The following CSE1L variants were observed in gnomAD, a reference collection of about 807,000 sequenced individuals.
CSE1L encodes chromosome segregation 1 like.
CSE1L carries 24 observed loss-of-function variants against 120.4 expected under a neutral mutation model. That is an observed-to-expected ratio of 0.20 (90% CI 0.14 to 0.28). CSE1L has a LOEUF of 0.28. Among genes scored for constraint, CSE1L ranks in the 10% least tolerant of loss-of-function variants. CSE1L has a pLI of 1.00. For missense variants in CSE1L, 830 were observed against 1,145.2 expected (o/e 0.72, Z 3.97); for synonymous variants, 402 against 398.3 (o/e 1.01, Z -0.11).
chr20:49,050,205 A>T (rs893172185), intron 1 of CSE1L, among the ~76,000 whole-genome samples: 3 of 148,242 alleles, frequency 2.0e-5, no homozygotes, highest in Admixed American at 6.8e-5. Flanking sequence ...ATTTATTTTT[A>T]TTTTATTTTA....
intron 21 of CSE1L, among the ~76,000 whole-genome samples, 184 bp downstream of exon 21, chr20:49,091,206 T>G (rs967966806): frequency 6.6e-6 from 1 of 152,148 alleles, no homozygotes; most frequent in East Asian, 1.9e-4. Flanking sequence ...GCCGATCGCT[T>G]GAGCTCAGGA....
At chr20:49,074,705 A>C in intron 10 of CSE1L, 80 bp from the exon 11 acceptor site, 1 of 1,175,052 alleles carries the variant, frequency 8.5e-7, no homozygotes, top group Non-Finnish European at 1.2e-6. Context: ...AGGCAGTTTT[A>C]CATACTCTTC....
chr20:49,068,967 G>A (rs8120303), intron 7 of CSE1L, 145 bp downstream of exon 7: 3 of 609,514 alleles, frequency 4.9e-6, no homozygotes, highest in Non-Finnish European at 8.6e-6. Context: ...ATAGTGTTCT[G>A]TTCTACAGTA....
rs770570762 is a variant in CSE1L at position 49,070,265 on chromosome 20, T to C, written c.736T>C (p.Leu246=). The stretch of plus-strand genomic sequence containing the variant: ...TTGGATGAATAATTTTCATACTCTC[T>C]TAACATTGGATAATAAGCTTTTACA... The part of the protein sequence containing the change: ...ETWMNNFHTL[L]TLDNKLLQTD... The change falls in exon 8 of 25, where the codon TTA becomes CTA. Residue 246 remains leucine (L), a synonymous_variant. Transcript: ENST00000262982. The C allele has an allele frequency of 6.9e-6, 10 of 1,458,972 alleles. No individual in the cohort carries two copies. Among genetic ancestry groups the C allele is most frequent in the Non-Finnish European group, 9.4e-6 (10 of 1,058,514 alleles). 90.4% of individuals were successfully genotyped at this position (1,458,972 alleles called of 1,614,324 possible). A position where few individuals can be genotyped will look rare whatever the true frequency, so the allele number is the denominator to read the frequency against.
chr20:49,050,654 G>A (rs181763372), intron 1 of CSE1L, among the ~76,000 whole-genome samples: 7 of 151,140 alleles, frequency 4.6e-5, no homozygotes, highest in Non-Finnish European at 7.4e-5. Context: ...CAGATGATCC[G>A]CCTGCTTCGG....
At chr20:49,090,591 G>A in intron 19 of CSE1L, 151 bp from the exon 20 acceptor site, 1 of 623,534 alleles carries the variant, frequency 1.6e-6, no homozygotes, top group Non-Finnish European at 2.8e-6. Flanking sequence ...GGCTACGCGG[G>A]AGGAATTGTT....
intron 16 of CSE1L, among the ~76,000 whole-genome samples, chr20:49,085,727 A>G (rs1315019899): frequency 6.6e-6 from 1 of 151,532 alleles, no homozygotes; most frequent in Non-Finnish European, 1.5e-5. Flanking sequence ...GCACTCCACC[A>G]TGCCCGGTTA....
rs1568786465 is a variant in CSE1L, at chr20:49,088,882, T to TA, written c.1822-359dup. On this transcript the variant is annotated intron_variant, in intron 17 of 24. Transcript: ENST00000262982. ...GGGGTTTTGTTGCTTAAAAAGAACA[T>TA]AAAAAACTACTCATTTGGGGGATTA... 2.0e-5 allele frequency among the ~76,000 whole-genome samples: 3 copies of TA among 152,222 alleles called. No homozygotes were observed. In the South Asian group the frequency reaches 6.2e-4, roughly 32 times the overall value.
intron 2 of CSE1L, among the ~76,000 whole-genome samples, chr20:49,061,167 ATTTTT>A (rs3092068): frequency 1.7e-5 from 2 of 116,302 alleles, no homozygotes; most frequent in East Asian, 2.6e-4. Flanking sequence ...ACTATTAAAA[ATTTTT>A]TTTTTTTTTT....
chr20:49,067,818 C>T (rs761543345), intron 6 of CSE1L, among the ~76,000 whole-genome samples: 20 of 151,848 alleles, frequency 1.3e-4, no homozygotes, highest in Non-Finnish European at 2.4e-4. Flanking sequence ...TCACTGCAGC[C>T]TCAACTACCC....
At chr20:49,083,763 A>G (rs1279322835) in intron 14 of CSE1L, among the ~76,000 whole-genome samples, 2 of 152,098 alleles carry the variant, frequency 1.3e-5, no homozygotes, top group Admixed American at 6.6e-5. Context: ...TCTCTGTGAT[A>G]TTATTATTTT....
intron 16 of CSE1L, among the ~76,000 whole-genome samples, chr20:49,085,732 C>T (rs948440659): frequency 2.0e-5 from 3 of 151,552 alleles, no homozygotes; most frequent in Middle Eastern, 3.4e-3. Flanking sequence ...CCACCATGCC[C>T]GGTTAATTTT....
chr20:49,080,250 TG>T (rs138562914), intron 14 of CSE1L, among the ~76,000 whole-genome samples: 38 of 150,578 alleles, frequency 2.5e-4, no homozygotes, highest in South Asian at 2.3e-3. Flanking sequence ...CTGGTTGTTT[TG>T]TTTTTTTTTA....
intron 1 of CSE1L, among the ~76,000 whole-genome samples, chr20:49,049,806 A>G (rs901702039): frequency 6.6e-6 from 1 of 152,240 alleles, no homozygotes; most frequent in Non-Finnish European, 1.5e-5. Context: ...AGGTGGGCGG[A>G]TCACTTGAGC....
chr20:49,063,345 G>C lies in CSE1L; in HGVS notation c.228+1G>C, dbSNP rs767926801. ...CTATATTAAAAGGAACTGGAGAATT[G>C]TAAGTATTTTGTGAATACATAATTT... On this transcript the variant is annotated splice_donor_variant, in intron 3 of 24. Transcript: ENST00000262982. LOFTEE classifies it high-confidence loss of function. The C allele has an allele frequency of 6.8e-7, 1 of 1,468,960 alleles. No homozygotes were observed. The highest frequency in any genetic ancestry group is 1.3e-5 in the South Asian group (1 of 76,872). The allele number at this position is 1,468,960 out of a possible 1,614,324, so 91.0% of individuals were successfully genotyped here.
rs562236315 is a variant in CSE1L at position 49,051,248 on chromosome 20, GAA to G, written c.-12+4828_-12+4829del. Among the ~76,000 whole-genome samples the G allele has an allele frequency of 1.6e-3, 242 of 152,326 alleles. 1 individual carries two copies. The highest frequency in any genetic ancestry group is 5.6e-3 in the African/African-American group (231 of 41,560). ...CATCTCTGAAAAAAAGATGACATTT[GAA>G]AAGAGTCCTTCCAGGCCGGGCACGG... is the stretch of plus-strand genomic sequence containing the variant. On this transcript the variant is annotated intron_variant, in intron 1 of 24. Transcript: ENST00000262982.
At chr20:49,052,394 A>C (rs2091773636) in intron 1 of CSE1L, among the ~76,000 whole-genome samples, 1 of 152,202 alleles carries the variant, frequency 6.6e-6, no homozygotes, top group Admixed American at 6.5e-5. Flanking sequence ...TGTAGATGGT[A>C]ATCGTAGAAG....
chr20:49,066,602 T>C, intron 5 of CSE1L, 92 bp downstream of exon 5: 1 of 1,131,708 alleles, frequency 8.8e-7, no homozygotes. Context: ...TTGTCATTCC[T>C]TTGAATCTGA....
intron 14 of CSE1L, among the ~76,000 whole-genome samples, chr20:49,079,400 G>C (rs2091993201): frequency 6.6e-6 from 1 of 150,446 alleles, no homozygotes; most frequent in African/African-American, 2.5e-5. Context: ...CTGATTTTTT[G>C]TATTTTTAGT....
Sources: gnomAD v4.1 joint callset for allele counts (sites outside exome capture counted in the v4.1 genomes callset) on GRCh38, gnomAD v4.1.1 for gene constraint, MANE v1.5 for transcripts, NCBI Gene and HGNC (gene_info 2026-07-23, HGNC 2026-07-21) for gene names.